ABCB11: variants seen among roughly 807,000 people sequenced by gnomAD.
ABCB11 encodes ATP binding cassette subfamily B member 11, also known as bile salt export pump.
A neutral mutation model predicts 148.0 loss-of-function variants in ABCB11; 95 were observed. The ratio of observed to expected loss-of-function variants is 0.64; its 90% CI spans 0.54 to 0.76. The LOEUF is 0.76. Among genes scored for constraint, ABCB11 ranks in the 30% least tolerant of loss-of-function variants. ABCB11 has a pLI of 0.00. For missense variants in ABCB11, 1,523 were observed against 1,617.8 expected (o/e 0.94, Z 1.01); for synonymous variants, 591 against 555.4 (o/e 1.06, Z -0.90).
chr2:169,024,223 G>C (rs1680542140), intron 1 of ABCB11, among the ~76,000 whole-genome samples: 1 of 152,166 alleles, frequency 6.6e-6, no homozygotes, highest in South Asian at 2.1e-4. Context: ...ACTTAAAAAA[G>C]AACATATGGA....
At position 168,969,440 on chromosome 2, in the gene ABCB11, C is replaced by T. The variant is rs746784473; in HGVS notation, c.1921G>A (p.Glu641Lys). 6.2e-7 allele frequency: 1 copy of T among 1,612,516 alleles called. No individual in the cohort carries two copies. The highest frequency in any genetic ancestry group is 1.3e-5 in the African/African-American group (1 of 74,824). Residue 641 changes from glutamate (E) to lysine (K), a missense_variant, in exon 16 of 28, where the codon GAA becomes AAA. Coordinates refer to ENST00000650372, the MANE Select transcript of ABCB11 (RefSeq NM_003742.4). ...ACACCTTTCCTTTCCAGTAATTCTT[C>T]ATGGGTCCCTCTTTCCACTGCAGTG... ...HGTAVERGTH[E>K]ELLERKGVYF...
chr2:168,939,132 TG>T (rs1371971697), intron 21 of ABCB11, among the ~76,000 whole-genome samples: 1 of 152,096 alleles, frequency 6.6e-6, no homozygotes, highest in African/African-American at 2.4e-5. Flanking sequence ...ATTAATTTTT[TG>T]GTTAATATAA....
Position 168,998,694 on chromosome 2 carries a change from A to G in ABCB11, c.390-1972T>C, listed in dbSNP as rs182083512. ...TCATTAAAAATGCCAGTTTACAAAC[A>G]TATGTGGATTAAGGGTGTTGGGCAC... On this transcript the variant is annotated intron_variant, in intron 5 of 27. Transcript: ENST00000650372. Among the ~76,000 whole-genome samples, 4 of 152,240 alleles carry G rather than the reference A, an allele frequency of 2.6e-5. No homozygotes were observed. In the East Asian group the frequency reaches 7.7e-4, roughly 29 times the overall value.
rs1445262071 is a variant in ABCB11, at chr2:168,920,956, T to C, written c.*2666A>G. Among the ~76,000 whole-genome samples the C allele has an allele frequency of 6.6e-6, 1 of 152,230 alleles. No individual in the cohort carries two copies. The highest frequency in any genetic ancestry group is 6.5e-5 in the Admixed American group (1 of 15,288). On this transcript the variant is annotated 3_prime_UTR_variant, in exon 28 of 28. Transcript: ENST00000650372. ...AAAATATAATTTGTACTAATTCCTCTTTCAGACTCCATAAATTCCTTTCCA... is the reference window on the plus strand; with the variant it reads ...AAAATATAATTTGTACTAATTCCTCCTTCAGACTCCATAAATTCCTTTCCA...
chr2:168,969,109 G>A (rs576203401), intron 16 of ABCB11, among the ~76,000 whole-genome samples: 6 of 121,428 alleles, frequency 4.9e-5, no homozygotes, highest in African/African-American at 1.7e-4. Flanking sequence ...TTCTATTTGC[G>A]CAGGGTTAAA....
intron 18 of ABCB11, among the ~76,000 whole-genome samples, chr2:168,962,904 T>A (rs946844644): frequency 6.6e-6 from 1 of 151,740 alleles, no homozygotes; most frequent in East Asian, 2.0e-4. Context: ...GAAAAAGTCT[T>A]CCATGGAATT....
At chr2:169,005,392 G>C (rs1171553698) in intron 5 of ABCB11, among the ~76,000 whole-genome samples, 1 of 152,062 alleles carries the variant, frequency 6.6e-6, no homozygotes, top group African/African-American at 2.4e-5. Flanking sequence ...GGGGATGGGG[G>C]TGTGGTTCTC....
intron 5 of ABCB11, among the ~76,000 whole-genome samples, chr2:169,012,735 T>C (rs1019156034): frequency 1.1e-4 from 15 of 136,308 alleles, no homozygotes; most frequent in African/African-American, 4.2e-4. Flanking sequence ...GGAGACTCCA[T>C]CTTAAAAAAA....
At position 169,029,987 on chromosome 2, in the gene ABCB11, G is replaced by A. The variant is rs111745241; in HGVS notation, c.-28+1238C>T. ...GATCTCTTGACCTCATGATCCACCC[G>A]CCTCGGCCTCCCAAAGTGCTGAGAT... On this transcript the variant is annotated intron_variant, in intron 1 of 27. Transcript: ENST00000650372. Among the ~76,000 whole-genome samples the A allele has an allele frequency of 4.1e-5, 5 of 121,832 alleles. No homozygotes were observed. The South Asian group carries it at 1.1e-3, about 27-fold the overall frequency. 79.9% of individuals were successfully genotyped at this position (121,832 alleles called of 152,430 possible).
At chr2:168,978,281 G>A (rs1316960747) in intron 11 of ABCB11, among the ~76,000 whole-genome samples, 2 of 151,498 alleles carry the variant, frequency 1.3e-5, no homozygotes, top group African/African-American at 2.4e-5. Context: ...GACTAGCTGG[G>A]ACTATAGGCA....
chr2:169,017,966 G>A (rs750700334), intron 2 of ABCB11, 84 bp downstream of exon 2: 3 of 1,153,230 alleles, frequency 2.6e-6, no homozygotes, highest in South Asian at 1.2e-5. Flanking sequence ...ATTTTTTTCT[G>A]CTCCTTGAAA....
chr2:168,930,657 T>C lies in ABCB11; in HGVS notation c.3411+8A>G. On this transcript the variant is annotated splice_region_variant and intron_variant, in intron 25 of 27. Coordinates refer to ENST00000650372, the MANE Select transcript of ABCB11 (RefSeq NM_003742.4). ...AGGCAAAATTCTCAAAAAGGTTGCG[T>C]GGCTTACCACCTTCCCTTGATCAGG... The C allele has an allele frequency of 6.7e-7, 1 of 1,492,454 alleles. No individual in the cohort carries two copies. The highest frequency in any genetic ancestry group is 9.0e-7 in the Non-Finnish European group (1 of 1,114,206). 92.5% of individuals were successfully genotyped at this position (1,492,454 alleles called of 1,614,324 possible).
Position 168,968,506 on chromosome 2 carries a change from T to C in ABCB11, c.2012-16A>G. The C allele has an allele frequency of 1.9e-6, 3 of 1,604,570 alleles. No individual in the cohort carries two copies. The Middle Eastern group carries it at 5.0e-4, about 267-fold the overall frequency. ...TCAGTTGCATCTACTCAACACAGCA[T>C]GAGCAATTTTTTAGTATATACAATA... On this transcript the variant is annotated splice_polypyrimidine_tract_variant and intron_variant, in intron 16 of 27. Coordinates refer to ENST00000650372, the MANE Select transcript of ABCB11 (RefSeq NM_003742.4).
At chr2:169,007,950 C>A (rs1484562607) in intron 5 of ABCB11, among the ~76,000 whole-genome samples, 1 of 151,984 alleles carries the variant, frequency 6.6e-6, no homozygotes, top group East Asian at 1.9e-4. Context: ...GACATATATC[C>A]CAGTTTTAAA....
Position 168,921,180 on chromosome 2 carries a change from C to T in ABCB11, c.*2442G>A, listed in dbSNP as rs1019775814. 6.6e-6 allele frequency among the ~76,000 whole-genome samples: 1 copy of T among 152,186 alleles called. No homozygotes were observed. Among genetic ancestry groups the T allele is most frequent in the East Asian group, 1.9e-4 (1 of 5,204 alleles). On this transcript the variant is annotated 3_prime_UTR_variant, in exon 28 of 28. Transcript: ENST00000650372. ...TCATAACCAGAATGCATTCCTTCAC[C>T]GTCTGCCTCCTGACTTGGCAACCAT...
intron 17 of ABCB11, among the ~76,000 whole-genome samples, chr2:168,965,606 T>G (rs577599708): frequency 6.6e-6 from 1 of 151,834 alleles, no homozygotes; most frequent in Non-Finnish European, 1.5e-5. Context: ...TTCAGTCATT[T>G]GTAAACAGTC....
At chr2:168,994,160 C>A (rs1558915110) in intron 7 of ABCB11, among the ~76,000 whole-genome samples, 1 of 151,966 alleles carries the variant, frequency 6.6e-6, no homozygotes, top group African/African-American at 2.4e-5. Context: ...TTGTCTTTTT[C>A]TTTTACATAG....
chr2:169,013,882 T>C (rs1423480237), intron 4 of ABCB11, among the ~76,000 whole-genome samples: 1 of 152,188 alleles, frequency 6.6e-6, no homozygotes, highest in Admixed American at 6.5e-5. Flanking sequence ...AGAAATACTA[T>C]AAATTGTTTT....
intron 3 of ABCB11, among the ~76,000 whole-genome samples, chr2:169,016,247 TAA>T (rs1458356960): frequency 2.0e-5 from 3 of 152,334 alleles, no homozygotes; most frequent in Non-Finnish European, 2.9e-5. Context: ...TTAAAATTTC[TAA>T]AATACCTTTA....
Sources: allele counts gnomAD v4.1 joint callset (sites outside exome capture counted in the v4.1 genomes callset), GRCh38; gene constraint gnomAD v4.1.1; transcripts MANE v1.5; gene names NCBI Gene and HGNC (gene_info 2026-07-23, HGNC 2026-07-21).